Variants in SLC41A2 observed in about 807,000 individuals in gnomAD.
SLC41A2 encodes the protein solute carrier family 41 member 2.
A neutral mutation model predicts 58.3 loss-of-function variants in SLC41A2; 32 were observed. The ratio of observed to expected loss-of-function variants is 0.55; its 90% CI spans 0.41 to 0.74. The LOEUF (loss-of-function observed/expected upper bound fraction) is 0.74. SLC41A2 is among the 30% of genes least tolerant of loss of function. The pLI is 0.00. For missense variants in SLC41A2, 514 were observed against 680.6 expected (o/e 0.76, Z 2.72); for synonymous variants, 190 against 235.0 (o/e 0.81, Z 1.75).
chr12:104,923,316 C>T lies in SLC41A2; in HGVS notation c.555+4657G>A, dbSNP rs1473121851. On this transcript the variant is annotated intron_variant, in intron 2 of 10. Transcript: ENST00000258538. ...GGCGGAGCTTGAAGTGAGCCGTGATCGTGCCACTGCACTCCAGCCTGGGCA... is the reference window on the plus strand; with the variant it reads ...GGCGGAGCTTGAAGTGAGCCGTGATTGTGCCACTGCACTCCAGCCTGGGCA... 4.1e-5 allele frequency among the ~76,000 whole-genome samples: 6 copies of T among 145,422 alleles called. No individual in the cohort carries two copies. The South Asian group carries it at 1.1e-3, about 26-fold the overall frequency.
At chr12:104,910,107 G>A (rs2046017474) in intron 2 of SLC41A2, among the ~76,000 whole-genome samples, 1 of 152,154 alleles carries the variant, frequency 6.6e-6, no homozygotes, top group African/African-American at 2.4e-5. Context: ...ACAGATTCTG[G>A]AATCAGACAA....
chr12:104,881,449 C>A (rs1205987612), intron 6 of SLC41A2, among the ~76,000 whole-genome samples: 1 of 152,178 alleles, frequency 6.6e-6, no homozygotes, highest in East Asian at 1.9e-4. Flanking sequence ...CTCCTGTGGG[C>A]ATTTAGTACT....
chr12:104,814,375 A>T (rs555338496), intron 10 of SLC41A2, among the ~76,000 whole-genome samples: 34 of 152,264 alleles, frequency 2.2e-4, no homozygotes, highest in African/African-American at 7.2e-4. Context: ...AAAGAGCAAG[A>T]TTGTGTCTCA....
At chr12:104,930,978 G>A (rs948299448) in intron 1 of SLC41A2, among the ~76,000 whole-genome samples, 2 of 152,186 alleles carry the variant, frequency 1.3e-5, no homozygotes, top group African/African-American at 4.8e-5. Context: ...CAGAAGTTTA[G>A]ATGCAGAGAT....
At chr12:104,859,509 T>A (rs1383636911) in intron 8 of SLC41A2, among the ~76,000 whole-genome samples, 2 of 152,156 alleles carry the variant, frequency 1.3e-5, no homozygotes, top group African/African-American at 4.8e-5. Context: ...TGGTCATTTT[T>A]CAGTCAAAGA....
chr12:104,952,943 T>C (rs2048010920), intron 1 of SLC41A2, among the ~76,000 whole-genome samples: 1 of 152,206 alleles, frequency 6.6e-6, no homozygotes, highest in Non-Finnish European at 1.5e-5. Flanking sequence ...ATAGATAAGT[T>C]CTCCTTCTTC....
intron 10 of SLC41A2, among the ~76,000 whole-genome samples, chr12:104,820,941 C>T (rs923397439): frequency 2.7e-5 from 4 of 148,294 alleles, no homozygotes; most frequent in African/African-American, 7.9e-5. Flanking sequence ...CACTGTGCCC[C>T]GCCTAATGCA....
intron 1 of SLC41A2, among the ~76,000 whole-genome samples, chr12:104,955,350 T>A (rs554572511): frequency 1.3e-5 from 2 of 152,134 alleles, no homozygotes; most frequent in Non-Finnish European, 2.9e-5. Context: ...GCTACCTGAT[T>A]ACCCTCACAA....
intron 1 of SLC41A2, among the ~76,000 whole-genome samples, chr12:104,943,341 C>G (rs1282123659): frequency 6.6e-6 from 1 of 151,820 alleles, no homozygotes; most frequent in Non-Finnish European, 1.5e-5. Context: ...AACACCAGAC[C>G]CTGGGGCCTC....
In SLC41A2 at chr12:104,956,102, A is replaced by G. The variant is rs117899409; in HGVS notation, c.-168+1986T>C. 1.1e-4 allele frequency among the ~76,000 whole-genome samples: 17 copies of G among 152,334 alleles called. No individual in the cohort carries two copies. In the East Asian group the frequency reaches 3.3e-3, roughly 29 times the overall value. On this transcript the variant is annotated intron_variant, in intron 1 of 10. Transcript: ENST00000258538. ...CAAATTGAGCATAGAATATATGAAA[A>G]TACCAATTAAGGGTGGTCTCTCTTG...
chr12:104,927,867 T>C, intron 2 of SLC41A2, 106 bp downstream of exon 2: 3 of 1,047,200 alleles, frequency 2.9e-6, no homozygotes, highest in Non-Finnish European at 3.9e-6. Context: ...AAGGGATAAA[T>C]TAAATCTAAA....
intron 2 of SLC41A2, among the ~76,000 whole-genome samples, chr12:104,910,721 T>C (rs1273728577): frequency 6.6e-6 from 1 of 152,034 alleles, no homozygotes; most frequent in Non-Finnish European, 1.5e-5. Flanking sequence ...TTTGTAGCAA[T>C]GAGATACCAA....
chr12:104,877,759 G>A (rs2044122802), intron 6 of SLC41A2, among the ~76,000 whole-genome samples: 1 of 152,134 alleles, frequency 6.6e-6, no homozygotes, highest in Non-Finnish European at 1.5e-5. Context: ...AGCACTTTGG[G>A]AGGCCGAGGC....
At chr12:104,828,156 C>A (rs1337997745) in intron 10 of SLC41A2, among the ~76,000 whole-genome samples, 4 of 152,166 alleles carry the variant, frequency 2.6e-5, no homozygotes, top group Non-Finnish European at 5.9e-5. Context: ...AGATGGGCGG[C>A]TGAACGTCAG....
At chr12:104,861,434 T>A in intron 7 of SLC41A2, 64 bp from the exon 8 acceptor site, 1 of 1,003,382 alleles carries the variant, frequency 1.0e-6, no homozygotes, top group Non-Finnish European at 1.5e-6. Flanking sequence ...AGTTATTCTG[T>A]ACATACAGAC....
intron 10 of SLC41A2, among the ~76,000 whole-genome samples, chr12:104,816,567 G>A (rs2041413252): frequency 6.6e-6 from 1 of 152,136 alleles, no homozygotes; most frequent in Non-Finnish European, 1.5e-5. Flanking sequence ...GGAGACAAAA[G>A]CAAGGCCTGT....
intron 2 of SLC41A2, among the ~76,000 whole-genome samples, chr12:104,924,456 T>C (rs1289935146): frequency 6.6e-6 from 1 of 152,218 alleles, no homozygotes; most frequent in Non-Finnish European, 1.5e-5. Context: ...ATCAAAAGTC[T>C]GGAAGCAGCC....
intron 1 of SLC41A2, among the ~76,000 whole-genome samples, chr12:104,952,057 G>A (rs2047977084): frequency 6.6e-6 from 1 of 151,896 alleles, no homozygotes; most frequent in South Asian, 2.1e-4. Context: ...AATGCCCTCT[G>A]TTAAATTATC....
chr12:104,817,563 T>TA (rs2041462625), intron 10 of SLC41A2, among the ~76,000 whole-genome samples: 1 of 152,084 alleles, frequency 6.6e-6, no homozygotes, highest in South Asian at 2.1e-4. Flanking sequence ...CTATAGGCTT[T>TA]TTCCTATTTT....
Sources: gnomAD v4.1 joint callset for allele counts (sites outside exome capture counted in the v4.1 genomes callset) on GRCh38, gnomAD v4.1.1 for gene constraint, MANE v1.5 for transcripts, NCBI Gene and HGNC (gene_info 2026-07-23, HGNC 2026-07-21) for gene names.